The following SYN3 variants were observed in gnomAD, a reference collection of about 807,000 sequenced individuals.
The protein encoded by SYN3 is synapsin-3.
SYN3 carries 35 observed loss-of-function variants against 65.8 expected under a neutral mutation model. The ratio of observed to expected loss-of-function variants is 0.53; its 90% CI spans 0.41 to 0.70. The LOEUF (loss-of-function observed/expected upper bound fraction) is 0.70. SYN3 is among the 30% of genes least tolerant of loss of function. The pLI is 0.00. For synonymous variants in SYN3, 270 were observed against 292.9 expected (o/e 0.92, Z 0.80); for missense variants, 680 against 749.0 (o/e 0.91, Z 1.08).
At chr22:32,838,752 C>T (rs1228282756) in intron 6 of SYN3, among the ~76,000 whole-genome samples, 3 of 151,980 alleles carry the variant, frequency 2.0e-5, no homozygotes, top group Non-Finnish European at 4.4e-5. Context: ...AACACAAAAC[C>T]ATCCCCGTCT....
chr22:33,006,747 A>G lies in SYN3; in HGVS notation c.-85T>C. 1.4e-6 allele frequency: 2 copies of G among 1,408,748 alleles called. No homozygotes were observed. The highest frequency in any genetic ancestry group is 4.6e-5 in the Admixed American group (2 of 43,570). 87.3% of individuals were successfully genotyped at this position (1,408,748 alleles called of 1,614,324 possible). ...AGACAGGCTGCTGCCAGGTACAGGG[A>G]GTGGTAGGACTTTAGCCAGAAGAGC... On this transcript the variant is annotated 5_prime_UTR_variant, in exon 2 of 14. Transcript: ENST00000358763.
rs367890157 is a variant in SYN3, at chr22:32,534,040, C to T, written c.993-145G>A. On this transcript the variant is annotated intron_variant, in intron 9 of 13. Transcript: ENST00000358763. ...ACGGCGATGGAGAGAGACAGAGAAG[C>T]AGCAAGAGAGACAGAAAGACGGAGA... 7.0e-5 allele frequency: 42 copies of T among 600,410 alleles called. No individual in the cohort carries two copies. The African/African-American group carries it at 7.1e-4, about 10-fold the overall frequency. 37.2% of individuals were successfully genotyped at this position (600,410 alleles called of 1,614,324 possible).
intron 6 of SYN3, among the ~76,000 whole-genome samples, chr22:32,753,315 C>A (rs1024673664): frequency 4.6e-5 from 7 of 152,172 alleles, no homozygotes; most frequent in Admixed American, 6.5e-5. Context: ...CAGGGAACAA[C>A]CCCAGGGGCC....
Position 32,533,880 on chromosome 22 carries a change from C to T in SYN3, c.1008G>A (p.Val336=), listed in dbSNP as rs779189497. The part of the protein sequence containing the change: ...VAMTERYRLW[V]DSCSEMFGGL... ...CGCCAAACATTTCCGAGCAGCTGTC[C>T]ACCCACAGCCTGTACCTGCAGGGAC... Residue 336 remains valine (V), a synonymous_variant, in exon 10 of 14, where the codon GTG becomes GTA. Transcript: ENST00000358763. 1.4e-5 allele frequency: 22 copies of T among 1,613,222 alleles called. No individual in the cohort carries two copies. The highest frequency in any genetic ancestry group is 1.8e-5 in the Non-Finnish European group (21 of 1,179,612).
At chr22:32,731,113 C>T (rs922524625) in intron 6 of SYN3, among the ~76,000 whole-genome samples, 3 of 152,172 alleles carry the variant, frequency 2.0e-5, no homozygotes, top group African/African-American at 7.2e-5. Flanking sequence ...CCTCATCCAC[C>T]CAGGCATCCC....
intron 6 of SYN3, among the ~76,000 whole-genome samples, chr22:32,745,306 A>T (rs928837912): frequency 2.0e-5 from 3 of 152,192 alleles, no homozygotes; most frequent in South Asian, 4.1e-4. Context: ...TGGGTTGTGA[A>T]GTCACCGCCT....
At chr22:33,022,287 C>CAATACATTAATGGGCTCATT (rs1325402111) in intron 1 of SYN3, among the ~76,000 whole-genome samples, 1 of 152,200 alleles carries the variant, frequency 6.6e-6, no homozygotes, top group Non-Finnish European at 1.5e-5. Context: ...TGGGCTTTAG[C>CAATACATTAATGGGCTCATT]AATGTATTAA....
intron 3 of SYN3, among the ~76,000 whole-genome samples, chr22:32,948,129 C>T (rs2051168356): frequency 2.0e-5 from 3 of 152,220 alleles, no homozygotes; most frequent in Non-Finnish European, 4.4e-5. Context: ...TTGTCTGCCA[C>T]ATCTCCATCT....
chr22:32,919,003 C>T (rs912255301), intron 4 of SYN3, among the ~76,000 whole-genome samples: 2 of 152,122 alleles, frequency 1.3e-5, no homozygotes, highest in African/African-American at 2.4e-5. Context: ...TTTGTGAGCT[C>T]GGAGGTGGGC....
intron 13 of SYN3, among the ~76,000 whole-genome samples, chr22:32,514,994 C>T (rs141660594): frequency 7.3e-5 from 11 of 151,326 alleles, no homozygotes; most frequent in East Asian, 5.8e-4. Flanking sequence ...CTAGCCTGGG[C>T]GACAGTGAGA....
intron 12 of SYN3, among the ~76,000 whole-genome samples, chr22:32,524,156 G>C (rs944649598): frequency 3.9e-5 from 6 of 152,244 alleles, no homozygotes; most frequent in Non-Finnish European, 2.9e-5. Flanking sequence ...AAGTGCTGAC[G>C]AAGAAGCTGC....
intron 7 of SYN3, among the ~76,000 whole-genome samples, chr22:32,586,046 A>G (rs1201252511): frequency 6.9e-6 from 1 of 144,914 alleles, no homozygotes; most frequent in African/African-American, 2.6e-5. Context: ...ATGTATATGT[A>G]TATATGTGTA....
chr22:33,038,103 C>T (rs144064625), intron 1 of SYN3, among the ~76,000 whole-genome samples: 3 of 152,336 alleles, frequency 2.0e-5, no homozygotes, highest in Non-Finnish European at 4.4e-5. Context: ...CTCTCTTTCT[C>T]ATCAGGGGCT....
intron 6 of SYN3, among the ~76,000 whole-genome samples, chr22:32,764,153 G>A (rs5754257): frequency 6.6e-6 from 1 of 152,126 alleles, no homozygotes; most frequent in Admixed American, 6.5e-5. Flanking sequence ...AGGTTGGCCA[G>A]GCTGGTCTCG....
At chr22:32,629,849 T>C (rs896386769) in intron 6 of SYN3, 2 of 151,868 alleles carry the variant, frequency 1.3e-5, no homozygotes, top group Non-Finnish European at 2.9e-5. Flanking sequence ...GGGCCAGGAC[T>C]AGGGTAAGGA....
intron 2 of SYN3, among the ~76,000 whole-genome samples, chr22:32,985,286 G>A (rs1308355370): frequency 6.6e-6 from 1 of 152,210 alleles, no homozygotes; most frequent in African/African-American, 2.4e-5. Context: ...GAGCTATCGA[G>A]TGCTTACCCT....
chr22:33,000,670 G>T (rs2053034058), intron 2 of SYN3, among the ~76,000 whole-genome samples: 1 of 152,210 alleles, frequency 6.6e-6, no homozygotes, highest in African/African-American at 2.4e-5. Flanking sequence ...GGTTGGGGTG[G>T]GTTCACTGTC....
At chr22:32,670,519 T>G (rs2060346124) in intron 6 of SYN3, among the ~76,000 whole-genome samples, 1 of 152,240 alleles carries the variant, frequency 6.6e-6, no homozygotes, top group African/African-American at 2.4e-5. Flanking sequence ...TCCTCTGCTG[T>G]CTTTTAACCC....
chr22:32,697,393 A>G (rs571013590), intron 6 of SYN3, among the ~76,000 whole-genome samples: 1 of 152,360 alleles, frequency 6.6e-6, no homozygotes, highest in South Asian at 2.1e-4. Flanking sequence ...TTCTTCATTC[A>G]TAACACTGAG....
Sources: gnomAD v4.1 joint callset for allele counts (sites outside exome capture counted in the v4.1 genomes callset) on GRCh38, gnomAD v4.1.1 for gene constraint, MANE v1.5 for transcripts, NCBI Gene and HGNC (gene_info 2026-07-23, HGNC 2026-07-21) for gene names.